CRPPA: variants seen among roughly 807,000 people sequenced by gnomAD.
The protein encoded by CRPPA is CDP-L-ribitol pyrophosphorylase A.
In CRPPA, 43 loss-of-function variants were observed where a neutral mutation model predicts 52.0. That is an observed-to-expected ratio of 0.83 (90% confidence interval 0.65 to 1.07). The LOEUF (loss-of-function observed/expected upper bound fraction) is 1.07, where lower values mean the gene tolerates loss of function less well. CRPPA is among the 50% of genes least tolerant of loss of function. CRPPA has a pLI of 0.00. For synonymous variants in CRPPA, 250 were observed against 203.5 expected (o/e 1.23, Z -1.94); for missense variants, 629 against 551.7 (o/e 1.14, Z -1.40).
At chr7:16,181,547 A>G (rs534024849) in intron 9 of CRPPA, among the ~76,000 whole-genome samples, 154 of 152,104 alleles carry the variant, frequency 1.0e-3, no homozygotes, top group African/African-American at 3.5e-3. Flanking sequence ...CGAGTATACC[A>G]AAACAAACAA....
At chr7:16,416,464 G>T (rs1322586233) in intron 1 of CRPPA, among the ~76,000 whole-genome samples, 4 of 152,144 alleles carry the variant, frequency 2.6e-5, no homozygotes, top group Non-Finnish European at 4.4e-5. Context: ...CCTTGGGAAA[G>T]AATTTCTGAC....
At chr7:16,095,436 T>G (rs1781917429) in intron 9 of CRPPA, among the ~76,000 whole-genome samples, 1 of 152,226 alleles carries the variant, frequency 6.6e-6, no homozygotes, top group Non-Finnish European at 1.5e-5. Context: ...TGTAAAGCAC[T>G]GATACCTAGT....
intron 9 of CRPPA, among the ~76,000 whole-genome samples, chr7:16,103,813 C>G (rs912531217): frequency 5.3e-5 from 8 of 152,194 alleles, no homozygotes; most frequent in Non-Finnish European, 7.4e-5. Flanking sequence ...AAAGCTTATC[C>G]TAGAGTTACT....
chr7:16,358,568 G>C (rs1178609460), intron 3 of CRPPA, among the ~76,000 whole-genome samples: 1 of 152,100 alleles, frequency 6.6e-6, no homozygotes, highest in South Asian at 2.1e-4. Context: ...TATCCAGAGG[G>C]TTGGGCATGC....
At chr7:16,136,228 A>C (rs1782759533) in intron 9 of CRPPA, among the ~76,000 whole-genome samples, 1 of 152,236 alleles carries the variant, frequency 6.6e-6, no homozygotes, top group South Asian at 2.1e-4. Context: ...TACAAATTGG[A>C]AATTGATATT....
chr7:16,385,159 C>T (rs949186032), intron 2 of CRPPA, among the ~76,000 whole-genome samples: 5 of 151,358 alleles, frequency 3.3e-5, no homozygotes, highest in Middle Eastern at 3.2e-3. Flanking sequence ...TGAACAGAGC[C>T]GCAGAATAAA....
At chr7:16,225,597 C>T (rs764046874) in intron 8 of CRPPA, among the ~76,000 whole-genome samples, 2 of 151,808 alleles carry the variant, frequency 1.3e-5, no homozygotes, top group Non-Finnish European at 2.9e-5. Flanking sequence ...AAAATTTATC[C>T]GAGTTTACAA....
At chr7:16,369,357 T>C (rs1006184293) in intron 3 of CRPPA, among the ~76,000 whole-genome samples, 3 of 152,190 alleles carry the variant, frequency 2.0e-5, no homozygotes, top group African/African-American at 7.2e-5. Context: ...TTCTATACAA[T>C]GTCTGGAATC....
chr7:16,132,699 A>AT (rs1782701698), intron 9 of CRPPA, among the ~76,000 whole-genome samples: 2 of 124,750 alleles, frequency 1.6e-5, no homozygotes, highest in Admixed American at 1.6e-4. Flanking sequence ...TTTACTGAAA[A>AT]TTTTTTTGGA....
chr7:16,218,766 A>C (rs1302722797), intron 8 of CRPPA, among the ~76,000 whole-genome samples: 1 of 135,184 alleles, frequency 7.4e-6, no homozygotes, highest in Non-Finnish European at 1.6e-5. Flanking sequence ...TATGCACCCA[A>C]TACAGGAGCA....
chr7:16,094,074 A>G (rs1048779092), intron 9 of CRPPA, among the ~76,000 whole-genome samples: 1 of 152,206 alleles, frequency 6.6e-6, no homozygotes, highest in African/African-American at 2.4e-5. Context: ...ATATCTTACA[A>G]TAAATCATCT....
intron 9 of CRPPA, among the ~76,000 whole-genome samples, chr7:16,158,611 C>T (rs1783236940): frequency 6.6e-6 from 1 of 152,120 alleles, no homozygotes; most frequent in Non-Finnish European, 1.5e-5. Context: ...GTAATTGAAT[C>T]TACAACTGCA....
At chr7:16,307,667 C>T (rs1245268336) in intron 4 of CRPPA, among the ~76,000 whole-genome samples, 3 of 92,994 alleles carry the variant, frequency 3.2e-5, no homozygotes, top group Non-Finnish European at 5.7e-5. Context: ...AAGAGTGAAA[C>T]TCTGTCAAAA....
chr7:16,333,127 T>C (rs113451850), intron 3 of CRPPA, among the ~76,000 whole-genome samples: 65 of 152,302 alleles, frequency 4.3e-4, no homozygotes, highest in African/African-American at 1.5e-3. Context: ...GTAAAACTGA[T>C]AGATGTGTAA....
chr7:16,393,400 A>G (rs1787490814), intron 2 of CRPPA, among the ~76,000 whole-genome samples: 1 of 152,148 alleles, frequency 6.6e-6, no homozygotes, highest in Non-Finnish European at 1.5e-5. Flanking sequence ...AAAACAGACC[A>G]ACAGCGTGGA....
At chr7:16,244,673 T>C (rs1783219019) in intron 8 of CRPPA, among the ~76,000 whole-genome samples, 1 of 152,184 alleles carries the variant, frequency 6.6e-6, no homozygotes, top group Non-Finnish European at 1.5e-5. Context: ...GTGATGACGC[T>C]GCAAATGACA....
chr7:16,101,272 C>A (rs961507479), intron 9 of CRPPA, among the ~76,000 whole-genome samples: 7 of 152,180 alleles, frequency 4.6e-5, no homozygotes, highest in African/African-American at 1.7e-4. Flanking sequence ...GGCTGTGAAT[C>A]TGTCTGGTCC....
intron 2 of CRPPA, among the ~76,000 whole-genome samples, chr7:16,393,855 A>G (rs1422320222): frequency 6.6e-6 from 1 of 152,122 alleles, no homozygotes; most frequent in Non-Finnish European, 1.5e-5. Context: ...TAACTCCTAC[A>G]AGTCAAAAGC....
chr7:16,129,723 A>G (rs1002311364), intron 9 of CRPPA, among the ~76,000 whole-genome samples: 1 of 152,170 alleles, frequency 6.6e-6, no homozygotes, highest in Non-Finnish European at 1.5e-5. Flanking sequence ...AGTATAAGGA[A>G]TAGAACCTCG....
Sources: gnomAD v4.1 joint callset for allele counts (sites outside exome capture counted in the v4.1 genomes callset) on GRCh38, gnomAD v4.1.1 for gene constraint, MANE v1.5 for transcripts, NCBI Gene and HGNC (gene_info 2026-07-23, HGNC 2026-07-21) for gene names.